Variants in THSD1 observed in about 807,000 individuals in gnomAD.
The protein encoded by THSD1 is thrombospondin type-1 domain-containing protein 1.
THSD1 carries 34 observed loss-of-function variants against 46.3 expected under a neutral mutation model. The ratio of observed to expected loss-of-function variants is 0.74; its 90% CI spans 0.56 to 0.98. THSD1 has a LOEUF of 0.98. THSD1 is among the 50% of genes least tolerant of loss of function. The probability of loss-of-function intolerance (pLI) is 0.00; values close to 1 mark genes in which losing one functional copy is unlikely to be tolerated. For synonymous variants in THSD1, 407 were observed against 416.5 expected (o/e 0.98, Z 0.28); for missense variants, 1,023 against 1,058.3 (o/e 0.97, Z 0.46).
In THSD1 at chr13:52,378,231, G is replaced by A; in HGVS notation, c.1739C>T (p.Ala580Val). 1 of 1,614,230 alleles carries A rather than the reference G, an allele frequency of 6.2e-7. No individual in the cohort carries two copies. Among genetic ancestry groups the A allele is most frequent in the Non-Finnish European group, 8.5e-7 (1 of 1,180,044 alleles). The change falls in exon 5 of 5, where the codon GCT becomes GTT. Residue 580 changes from alanine (A) to valine (V), a missense_variant. Ala to Val is a moderately conservative substitution (Grantham distance 64, BLOSUM62 0). This residue lies in a region of THSD1 where 578 missense variants were observed against 497.4 expected (regional missense o/e 1.16). Coordinates refer to ENST00000258613, the MANE Select transcript of THSD1 (RefSeq NM_018676.4). ...TTTGATCCGGAACTTGTTTGCTGCA[G>A]CTTCTTCCGGGCTTTCCAAATCTAA... is the stretch of plus-strand genomic sequence containing the variant. The part of the protein sequence containing the change: ...APLDLESPEE[A>V]AANKFRIKSP...
intron 4 of THSD1, among the ~76,000 whole-genome samples, chr13:52,379,117 C>G (rs755928443): frequency 6.6e-6 from 1 of 152,154 alleles, no homozygotes; most frequent in Non-Finnish European, 1.5e-5. Context: ...CCGCCTTGGC[C>G]TCCCAAAGTG....
chr13:52,381,647 A>T (rs1417107233), intron 4 of THSD1, among the ~76,000 whole-genome samples: 2 of 152,188 alleles, frequency 1.3e-5, no homozygotes, highest in Non-Finnish European at 2.9e-5. Flanking sequence ...ATAAAAGGTG[A>T]GGCCACAAGC....
chr13:52,392,247 A>C (rs1315993263), intron 3 of THSD1, among the ~76,000 whole-genome samples: 2 of 152,064 alleles, frequency 1.3e-5, no homozygotes, highest in African/African-American at 4.8e-5. Flanking sequence ...ACACAATAAA[A>C]CAAAATGAAC....
chr13:52,378,732 T>C lies in THSD1; in HGVS notation c.1238A>G (p.Asn413Ser), dbSNP rs1957664783. 2.5e-6 allele frequency: 4 copies of C among 1,613,088 alleles called. No homozygotes were observed. The highest frequency in any genetic ancestry group is 1.7e-5 in the Admixed American group (1 of 59,988). ...LQPQGPVKSNNIVTVTGISLC... is the reference protein window; with the variant it reads ...LQPQGPVKSNSIVTVTGISLC... ...GGATATACCAGTGACAGTCACGATG[T>C]TGTTGGACTTCACTGGACCCTGGGG... The change falls in exon 5 of 5, where the codon AAC (asparagine) becomes AGC (serine). Residue 413 changes from asparagine to serine, a missense_variant. By Grantham distance (46) the Asn-to-Ser change is conservative. Transcript: ENST00000258613.
intron 2 of THSD1, among the ~76,000 whole-genome samples, chr13:52,401,977 A>T (rs1160914841): frequency 2.0e-5 from 3 of 152,238 alleles, no homozygotes; most frequent in Non-Finnish European, 4.4e-5. Context: ...ACGAATGACG[A>T]GAACAGACTT....
In THSD1 at chr13:52,378,264, C is replaced by A; in HGVS notation, c.1706G>T (p.Ser569Ile). ...LTDTAIDAAP[S>I]APLDLESPEE... The stretch of plus-strand genomic sequence containing the variant: ...CGGGCTTTCCAAATCTAAGGGAGCG[C>A]TGGGGGCCGCATCAATGGCAGTGTC... Residue 569 changes from serine (S) to isoleucine (I), a missense_variant, in exon 5 of 5, where the codon AGC becomes ATC. Coordinates refer to ENST00000258613, the MANE Select transcript of THSD1 (RefSeq NM_018676.4). 1 of 1,614,178 alleles carries A rather than the reference C, an allele frequency of 6.2e-7. No individual in the cohort carries two copies. The highest frequency in any genetic ancestry group is 1.3e-5 in the African/African-American group (1 of 75,042).
intron 1 of THSD1, 125 bp downstream of exon 1, chr13:52,405,906 C>G (rs1957902387): frequency 6.6e-6 from 1 of 152,240 alleles, no homozygotes; most frequent in Non-Finnish European, 1.5e-5. Flanking sequence ...GGGCCGCCAC[C>G]GTCCACCTGC....
chr13:52,400,978 G>T (rs551206276), intron 2 of THSD1, among the ~76,000 whole-genome samples: 26 of 151,584 alleles, frequency 1.7e-4, no homozygotes, highest in African/African-American at 5.5e-4. Flanking sequence ...TTGTTTTTTT[G>T]TTTGTTTGTT....
At chr13:52,402,393 C>A in intron 2 of THSD1, 150 bp downstream of exon 2, 1 of 470,168 alleles carries the variant, frequency 2.1e-6, no homozygotes, top group Non-Finnish European at 3.6e-6. Context: ...ATAAGAGAAC[C>A]CAGGGTTGCA....
At chr13:52,398,422 ACCACAC>A (rs1417376347) in intron 2 of THSD1, 1 of 675,708 alleles carries the variant, frequency 1.5e-6, no homozygotes. Context: ...GGCACATGCC[ACCACAC>A]CCAGCTAATT....
chr13:52,378,095 G>A lies in THSD1; in HGVS notation c.1875C>T (p.Ile625=). ...CCACGTGCCTTGCCTGTGACTTGCG[G>A]ATCAGAGTCTGGCTGGGGCTTATGG... ...SCAISPSQTL[I]RKSQARHVGS... Residue 625 remains isoleucine (I), a synonymous_variant, in exon 5 of 5, where the codon ATC becomes ATT. Transcript: ENST00000258613. 6.2e-7 allele frequency: 1 copy of A among 1,614,194 alleles called. No individual in the cohort carries two copies.
At chr13:52,397,040 G>T (rs1413345623) in intron 3 of THSD1, among the ~76,000 whole-genome samples, 192 bp downstream of exon 3, 1 of 152,148 alleles carries the variant, frequency 6.6e-6, no homozygotes. Flanking sequence ...GGGGAAATGA[G>T]ATGTAAAGAG....
At position 52,377,746 on chromosome 13, in the gene THSD1, C is replaced by A. The variant is rs184474967; in HGVS notation, c.2224G>T (p.Asp742Tyr). The change falls in exon 5 of 5, where the codon GAT becomes TAT. Residue 742 changes from aspartate to tyrosine, a missense_variant. This residue lies in a region of THSD1 where 578 missense variants were observed against 497.4 expected (regional missense o/e 1.16). Coordinates refer to ENST00000258613, the MANE Select transcript of THSD1 (RefSeq NM_018676.4). ...GQPLRKPDLG[D>Y]HQAGLVAGIE... is the part of the protein sequence containing the mutation. ...CCGGCCACTAATCCTGCCTGGTGAT[C>A]CCCAAGGTCTGGTTTCCTCAAGGGC... is the stretch of plus-strand genomic sequence containing the variant. The A allele has an allele frequency of 1.2e-6, 2 of 1,614,026 alleles. No homozygotes were observed. The highest frequency in any genetic ancestry group is 1.7e-5 in the Admixed American group (1 of 60,016).
intron 4 of THSD1, among the ~76,000 whole-genome samples, chr13:52,382,934 G>A (rs746842970): frequency 3.9e-5 from 6 of 151,946 alleles, no homozygotes; most frequent in Admixed American, 1.3e-4. Flanking sequence ...CCCAGGAGGC[G>A]GAGGTTGCAG....
intron 2 of THSD1, among the ~76,000 whole-genome samples, chr13:52,400,334 A>G (rs1376591071): frequency 6.6e-6 from 1 of 152,180 alleles, no homozygotes; most frequent in African/African-American, 2.4e-5. Context: ...ACGGTGGCTC[A>G]CACCTGTAAT....
intron 2 of THSD1, among the ~76,000 whole-genome samples, chr13:52,401,298 TA>T (rs1169992758): frequency 2.0e-5 from 3 of 149,374 alleles, no homozygotes; most frequent in Admixed American, 1.3e-4. Context: ...TAAGAAGGGA[TA>T]AATTACTTTT....
intron 1 of THSD1, among the ~76,000 whole-genome samples, chr13:52,403,453 A>T (rs918397015): frequency 4.6e-5 from 7 of 152,136 alleles, no homozygotes; most frequent in Non-Finnish European, 8.8e-5. Context: ...CCTGTGGTTC[A>T]GTTATTTGTT....
intron 4 of THSD1, among the ~76,000 whole-genome samples, chr13:52,380,344 CTT>C (rs1256232468): frequency 2.0e-5 from 3 of 151,792 alleles, no homozygotes; most frequent in African/African-American, 4.8e-5. Context: ...ACTGCCCACT[CTT>C]TGTACTGTCC....
Position 52,397,590 on chromosome 13 carries a change from C to T in THSD1, c.663G>A (p.Leu221=). ...AGGTAATGACTGAGTCTCGCCCAAGCAGCTTCAGCACCACGGTGACATAGG... is the reference window on the plus strand; with the variant it reads ...AGGTAATGACTGAGTCTCGCCCAAGTAGCTTCAGCACCACGGTGACATAGG... ...PEAYVTVVLK[L]LGRDSVITST... is the part of the protein sequence containing the mutation. The change falls in exon 3 of 5, where the codon CTG becomes CTA. Residue 221 remains leucine (L), a synonymous_variant. Coordinates refer to ENST00000258613, the MANE Select transcript of THSD1 (RefSeq NM_018676.4). 1.9e-6 allele frequency: 3 copies of T among 1,614,174 alleles called. No homozygotes were observed. Among genetic ancestry groups the T allele is most frequent in the Non-Finnish European group, 2.5e-6 (3 of 1,180,022 alleles).
Sources: gnomAD v4.1 joint callset for allele counts (sites outside exome capture counted in the v4.1 genomes callset) on GRCh38, gnomAD v4.1.1 for gene constraint, gnomAD v4.1.1 regional missense constraint, MANE v1.5 for transcripts, NCBI Gene and HGNC (gene_info 2026-07-23, HGNC 2026-07-21) for gene names.